MIDEAS: variants seen among roughly 807,000 people sequenced by gnomAD.
MIDEAS encodes mitotic deacetylase associated SANT domain protein, also known as mitotic deacetylase-associated SANT domain protein.
MIDEAS carries 26 observed loss-of-function variants against 102.7 expected under a neutral mutation model. That is an observed-to-expected ratio of 0.25 (90% CI 0.19 to 0.35). The LOEUF (loss-of-function observed/expected upper bound fraction) is 0.35. Ranked by LOEUF, MIDEAS falls within the 10% of genes least tolerant of loss-of-function variation. The pLI, the probability that MIDEAS is intolerant of heterozygous loss-of-function variation, is 1.00. For missense variants in MIDEAS, 1,231 were observed against 1,435.6 expected, an observed-to-expected ratio of 0.86 and a Z score of 2.30; for synonymous variants, 585 against 591.0, an observed-to-expected ratio of 0.99 and a Z score of 0.15.
At chr14:73,763,311 C>A (rs2053568227), upstream of MIDEAS, among the ~76,000 whole-genome samples, 1 of 152,192 alleles carries the variant, frequency 6.6e-6, no homozygotes, top group African/African-American at 2.4e-5. Flanking sequence ...GCACTCCATC[C>A]TGGGTGACAG....
rs377105370 is a variant in MIDEAS at position 73,726,642 on chromosome 14, C to T, written c.2371G>A (p.Ala791Thr). Residue 791 changes from alanine to threonine, a missense_variant, in exon 7 of 13, where the codon GCC (alanine) becomes ACC (threonine). Physicochemically the swap from Ala to Thr is moderately conservative, Grantham distance 58. This residue lies in a region of MIDEAS where 391 missense variants were observed against 483.0 expected (regional missense o/e 0.81). Coordinates refer to ENST00000423556, the MANE Select transcript of MIDEAS (RefSeq NM_001367710.1). Reference sequence around the variant, plus strand: ...CTGGATTCGTGCAGACAGTGCAGGGCCAGCTCCTGGTTGGTGCCAGCACCA... The same window carrying T: ...CTGGATTCGTGCAGACAGTGCAGGGTCAGCTCCTGGTTGGTGCCAGCACCA... ...FPGAGTNQEL[A>T]LHCLHESRGD... is the part of the protein sequence containing the mutation. 5 of 1,614,240 alleles carry T rather than the reference C, an allele frequency of 3.1e-6. No homozygotes were observed. The African/African-American group carries it at 4.0e-5, about 13-fold the overall frequency.
rs1389843718 is a variant in MIDEAS, at chr14:73,742,390, G to A, written c.-247-2135C>T. Among the ~76,000 whole-genome samples, 3 of 152,244 alleles carry A rather than the reference G, an allele frequency of 2.0e-5. No individual in the cohort carries two copies. Among genetic ancestry groups the A allele is most frequent in the Non-Finnish European group, 2.9e-5 (2 of 68,040 alleles). ...GCCAGTGTGAACCTGATGGAGGGGT[G>A]CGCCCCCTCCATGGGGATGGCTGCT... On this transcript the variant is annotated intron_variant, in intron 1 of 12. Coordinates refer to ENST00000423556, the MANE Select transcript of MIDEAS (RefSeq NM_001367710.1). This position sits in a 1 kb window ranked among gnomAD's most constrained non-coding sequence, Gnocchi z 4.4.
rs370387448 is a variant in MIDEAS, at chr14:73,757,279, C to CAAAAAAAAAAAAAAAAAAAAAA, written c.-248+2483_-248+2484insTTTTTTTTTTTTTTTTTTTTTT. On this transcript the variant is annotated intron_variant, in intron 1 of 12. Coordinates refer to ENST00000423556, the MANE Select transcript of MIDEAS (RefSeq NM_001367710.1). ...AGAGAAAGACCCTATCTCTAACAAC[C>CAAAAAAAAAAAAAAAAAAAAAA]AAAAAAAAAAAAAAACACTAAACAC... Among the ~76,000 whole-genome samples the CAAAAAAAAAAAAAAAAAAAAAA allele has an allele frequency of 2.2e-4, 15 of 67,712 alleles. 2 individuals carry two copies. Among genetic ancestry groups the CAAAAAAAAAAAAAAAAAAAAAA allele is most frequent in the East Asian group, 9.2e-4 (1 of 1,086 alleles). The allele number at this position is 67,712 out of a possible 152,430, so 44.4% of individuals were successfully genotyped here.
intron 12 of MIDEAS, 30 bp downstream of exon 12, chr14:73,719,275 T>TCC: frequency 7.6e-7 from 1 of 1,310,040 alleles, no homozygotes; most frequent in South Asian, 1.2e-5. Context: ...CCCGCGGGGG[T>TCC]CCCAGCGGGG....
In MIDEAS at chr14:73,729,815, T is replaced by C; in HGVS notation, c.1920A>G (p.Leu640=). ...YQSHLRSPVR[L]ADHPSERSFE... The stretch of plus-strand genomic sequence containing the variant: ...AGCTCCGCTCAGAGGGGTGGTCAGC[T>C]AGGCGCACGGGAGAGCGCAGGTGGC... Residue 640 remains leucine, a synonymous_variant, in exon 4 of 13, where the codon CTA becomes CTG. Transcript: ENST00000423556. The C allele has an allele frequency of 6.2e-7, 1 of 1,613,142 alleles. No individual in the cohort carries two copies.
chr14:73,716,500 C>G lies in MIDEAS; in HGVS notation c.*2343G>C, dbSNP rs1566577716. 6.6e-6 allele frequency: 1 copy of G among 150,462 alleles called. No individual in the cohort carries two copies. The highest frequency in any genetic ancestry group is 1.5e-5 in the Non-Finnish European group (1 of 67,558). 9.3% of individuals were successfully genotyped at this position (150,462 alleles called of 1,614,324 possible). A position where few individuals can be genotyped will look rare whatever the true frequency, so the allele number is the denominator to read the frequency against. On this transcript the variant is annotated 3_prime_UTR_variant, in exon 13 of 13. Transcript: ENST00000423556. ...GACCAGCCTGGCCGACATGGCGAAA[C>G]CCTGTCTCTACTAAAAAAAAAAATA...
chr14:73,783,410 C>A (rs1566613462), intron 1 of MIDEAS, among the ~76,000 whole-genome samples: 1 of 152,118 alleles, frequency 6.6e-6, no homozygotes, highest in African/African-American at 2.4e-5. Context: ...GTGGTTTGGA[C>A]AAACACACAG....
chr14:73,786,313 T>G (rs1461365835), intron 1 of MIDEAS, among the ~76,000 whole-genome samples: 1 of 152,206 alleles, frequency 6.6e-6, no homozygotes, highest in Non-Finnish European at 1.5e-5. Flanking sequence ...TCAAAGTTCC[T>G]GCAGCACATT....
At chr14:73,756,109 GT>G (rs2053475767) in intron 1 of MIDEAS, among the ~76,000 whole-genome samples, 1 of 152,136 alleles carries the variant, frequency 6.6e-6, no homozygotes, top group Non-Finnish European at 1.5e-5. Context: ...ACTTCCTTCA[GT>G]CACTGCCCAA....
rs2053522689 is a variant in MIDEAS, at chr14:73,759,043, G to A, written c.-248+720C>T. On this transcript the variant is annotated intron_variant, in intron 1 of 12. Transcript: ENST00000423556. The surrounding 1 kb of genome is among the most constrained non-coding windows in gnomAD (Gnocchi z 6.7). ...AACACAGCTCCCCGCGAGGCACCGCGCGGGCTGGGAGGGCTGCGGCGGCGC... is the reference window on the plus strand; with the variant it reads ...AACACAGCTCCCCGCGAGGCACCGCACGGGCTGGGAGGGCTGCGGCGGCGC... Among the ~76,000 whole-genome samples, 1 of 152,168 alleles carries A rather than the reference G, an allele frequency of 6.6e-6. No homozygotes were observed. Among genetic ancestry groups the A allele is most frequent in the Non-Finnish European group, 1.5e-5 (1 of 68,000 alleles).
chr14:73,763,406 G>A (rs533278409), upstream of MIDEAS, among the ~76,000 whole-genome samples: 243 of 152,280 alleles, frequency 1.6e-3, no homozygotes, highest in African/African-American at 5.3e-3. Flanking sequence ...AAGCTGTTAC[G>A]AAGTTGGGGG....
intron 1 of MIDEAS, among the ~76,000 whole-genome samples, chr14:73,785,418 G>A (rs116605924): frequency 6.6e-6 from 1 of 152,262 alleles, no homozygotes; most frequent in African/African-American, 2.4e-5. Flanking sequence ...TTCCTATGGA[G>A]AAGGAGGAGT....
rs1370665216 is a variant in MIDEAS at position 73,737,197 on chromosome 14, C to A, written c.1550G>T (p.Arg517Leu). 1.9e-6 allele frequency: 3 copies of A among 1,614,186 alleles called. No individual in the cohort carries two copies. Among genetic ancestry groups the A allele is most frequent in the South Asian group, 2.2e-5 (2 of 91,072 alleles). Reference sequence around the variant, plus strand: ...GAGGGGTACCATCCCACTGTCTTCTCGTGCTCGCTTGGTGGCTAAGGAAGG... The same window carrying A: ...GAGGGGTACCATCCCACTGTCTTCTAGTGCTCGCTTGGTGGCTAAGGAAGG... ...SEPSLATKRAREDSGMVPLII... is the reference protein window; with the variant it reads ...SEPSLATKRALEDSGMVPLII... The change falls in exon 3 of 13, where the codon CGA (arginine) becomes CTA (leucine). Residue 517 changes from arginine to leucine, a missense_variant. By Grantham distance (102) the Arg-to-Leu change is moderately radical (BLOSUM62 -2). This residue lies in a region of MIDEAS where 758 missense variants were observed against 856.0 expected (regional missense o/e 0.89). Transcript: ENST00000423556.
chr14:73,725,265 A>G lies in MIDEAS; in HGVS notation c.2574+7T>C, dbSNP rs112726996. 4 of 1,613,116 alleles carry G rather than the reference A, an allele frequency of 2.5e-6. No homozygotes were observed. The highest frequency in any genetic ancestry group is 2.5e-6 in the Non-Finnish European group (3 of 1,179,206). On this transcript the variant is annotated splice_region_variant and intron_variant, in intron 9 of 12. Transcript: ENST00000423556. This position sits in a 1 kb window ranked among gnomAD's most constrained non-coding sequence, Gnocchi z 4.1. Reference sequence around the variant, plus strand: ...CCTCATTTGCCCTGAAACAGAGCCCAGCTCACCAGCTTCTGCACCAGGAAG... The same window carrying G: ...CCTCATTTGCCCTGAAACAGAGCCCGGCTCACCAGCTTCTGCACCAGGAAG...
At position 73,739,783 on chromosome 14, in the gene MIDEAS, C is replaced by A; in HGVS notation, c.226G>T (p.Val76Leu). 6.2e-7 allele frequency: 1 copy of A among 1,613,734 alleles called. No homozygotes were observed. The highest frequency in any genetic ancestry group is 1.1e-5 in the South Asian group (1 of 91,082). Residue 76 changes from valine to leucine, a missense_variant, in exon 2 of 13, where the codon GTG becomes TTG. By Grantham distance (32) the Val-to-Leu change is conservative. Coordinates refer to ENST00000423556, the MANE Select transcript of MIDEAS (RefSeq NM_001367710.1). ...PPSSLALLNS[V>L]VYGPERTSAA... ...GAGGTCCGCTCAGGCCCATATACCA[C>A]AGAGTTCAGCAGGGCCAGGCTGCTA...
intron 1 of MIDEAS, among the ~76,000 whole-genome samples, chr14:73,773,626 C>G (rs1176937141): frequency 6.6e-6 from 1 of 152,096 alleles, no homozygotes; most frequent in Non-Finnish European, 1.5e-5. Context: ...GAAACATACT[C>G]TGCAAACAAT....
rs1055609186 is a variant in MIDEAS, at chr14:73,725,655, T to C, written c.2486-295A>G. On this transcript the variant is annotated intron_variant, in intron 8 of 12. Coordinates refer to ENST00000423556, the MANE Select transcript of MIDEAS (RefSeq NM_001367710.1). The surrounding 1 kb of genome is among the most constrained non-coding windows in gnomAD (Gnocchi z 4.1). ...GTAGCACTAACATGCATGGAAAACA[T>C]TGGCTGTTAGGATTATGTGACTCGG... Among the ~76,000 whole-genome samples, 3 of 152,156 alleles carry C rather than the reference T, an allele frequency of 2.0e-5. No individual in the cohort carries two copies. The highest frequency in any genetic ancestry group is 4.4e-5 in the Non-Finnish European group (3 of 68,022).
rs758773 is a variant in MIDEAS, at chr14:73,739,955, G to A, written c.54C>T (p.Phe18=). 0.19 allele frequency: 287,280 copies of A among 1,513,970 alleles called. 28,710 individuals carry two copies. The highest frequency in any genetic ancestry group is 0.28 in the South Asian group (20,612 of 74,658). 93.8% of individuals were successfully genotyped at this position (1,513,970 alleles called of 1,614,324 possible). The stretch of plus-strand genomic sequence containing the variant: ...CCTTGGGAGCTGGTTCCTGGCCCCC[G>A]AAGAGGCAACGCTTCCGCTTGTTCT... ...KAQNKRKRCL[F]GGQEPAPKEQ... Residue 18 remains phenylalanine (F), a synonymous_variant, in exon 2 of 13, where the codon TTC becomes TTT. Transcript: ENST00000423556.
At chr14:73,767,046 G>T (rs1024440468) in intron 1 of MIDEAS, among the ~76,000 whole-genome samples, 6 of 151,638 alleles carry the variant, frequency 4.0e-5, no homozygotes, top group African/African-American at 1.5e-4. Context: ...GTAGAGATGG[G>T]GTTTCGTTAT....
Sources: gnomAD v4.1 joint callset for allele counts (sites outside exome capture counted in the v4.1 genomes callset) on GRCh38, gnomAD v4.1.1 for gene constraint, gnomAD v4.1.1 regional missense constraint, Gnocchi (gnomAD v3.1) non-coding constraint, MANE v1.5 for transcripts, NCBI Gene and HGNC (gene_info 2026-07-23, HGNC 2026-07-21) for gene names.